The following UBE3C variants were observed in gnomAD, a reference collection of about 807,000 sequenced individuals.
UBE3C encodes the protein ubiquitin-protein ligase E3C.
A neutral mutation model predicts 129.4 loss-of-function variants in UBE3C; 42 were observed. The ratio of observed to expected loss-of-function variants is 0.32; its 90% confidence interval spans 0.25 to 0.42. The LOEUF (loss-of-function observed/expected upper bound fraction) is 0.42. Among genes scored for constraint, UBE3C ranks in the 10% least tolerant of loss-of-function variants. The pLI, the probability that UBE3C is intolerant of heterozygous loss-of-function variation, is 1.00. For missense variants in UBE3C, 1,049 were observed against 1,319.1 expected, an observed-to-expected ratio of 0.80 and a Z score of 3.17; for synonymous variants, 510 against 492.4, an observed-to-expected ratio of 1.04 and a Z score of -0.47.
At chr7:157,197,695 C>T in intron 10 of UBE3C, 1 of 1,609,202 alleles carries the variant, frequency 6.2e-7, no homozygotes, top group Non-Finnish European at 8.5e-7. Context: ...AATGAAGTCA[C>T]AAGAATAAAG....
chr7:157,217,109 A>G (rs1795602553), intron 14 of UBE3C, 138 bp downstream of exon 14: 2 of 623,218 alleles, frequency 3.2e-6, no homozygotes, highest in Non-Finnish European at 5.4e-6. Context: ...AAACCTTATT[A>G]CTAACTCTTA....
chr7:157,263,463 C>T (rs1796976851), intron 22 of UBE3C, among the ~76,000 whole-genome samples: 2 of 152,042 alleles, frequency 1.3e-5, no homozygotes, highest in Admixed American at 6.5e-5. Context: ...CAGGAGTTCT[C>T]GACCAGCCTG....
intron 4 of UBE3C, among the ~76,000 whole-genome samples, chr7:157,171,716 T>TAA: frequency 1.2e-5 from 1 of 82,452 alleles, no homozygotes; most frequent in Non-Finnish European, 2.2e-5. Context: ...TTTTTTTTTT[T>TAA]TTTTTTTTGA....
At chr7:157,231,632 G>C in intron 18 of UBE3C, 1 of 339,548 alleles carries the variant, frequency 2.9e-6, no homozygotes, top group Non-Finnish European at 5.5e-6. Flanking sequence ...GGTTTATTGT[G>C]GGAAGGGCCC....
intron 1 of UBE3C, among the ~76,000 whole-genome samples, chr7:157,148,022 G>A (rs1266476367): frequency 6.6e-6 from 1 of 152,128 alleles, no homozygotes; most frequent in East Asian, 1.9e-4. Context: ...TGTCTGGTTT[G>A]GTATTAGGGT....
intron 18 of UBE3C, among the ~76,000 whole-genome samples, chr7:157,235,103 A>C (rs529405352): frequency 6.6e-6 from 1 of 152,248 alleles, no homozygotes; most frequent in Non-Finnish European, 1.5e-5. Flanking sequence ...AGGCAGGATA[A>C]TGGCTTGAAC....
At chr7:157,201,639 T>C (rs200520339) in intron 10 of UBE3C, 82 bp from the exon 11 acceptor site, 1 of 343,834 alleles carries the variant, frequency 2.9e-6, no homozygotes, top group Admixed American at 6.0e-5. Context: ...GTGTATCGCT[T>C]TTTTTTTTTT....
At chr7:157,157,268 C>A (rs1280800010) in intron 1 of UBE3C, among the ~76,000 whole-genome samples, 2 of 152,156 alleles carry the variant, frequency 1.3e-5, no homozygotes, top group African/African-American at 4.8e-5. Flanking sequence ...CTACTGAATT[C>A]TTAAGCGAGA....
chr7:157,236,757 A>G (rs1796162576), intron 18 of UBE3C, among the ~76,000 whole-genome samples: 2 of 150,884 alleles, frequency 1.3e-5, no homozygotes, highest in Non-Finnish European at 2.9e-5. Flanking sequence ...TTTGAGATGG[A>G]GTCTCACTCT....
intron 3 of UBE3C, among the ~76,000 whole-genome samples, chr7:157,169,423 C>T (rs190750915): frequency 1.1e-3 from 162 of 150,892 alleles, no homozygotes; most frequent in African/African-American, 3.6e-3. Flanking sequence ...TTGCCCAGGC[C>T]AGAGTGCAGT....
chr7:157,155,565 A>G (rs896497275), intron 1 of UBE3C, among the ~76,000 whole-genome samples: 1 of 152,166 alleles, frequency 6.6e-6, no homozygotes, highest in African/African-American at 2.4e-5. Flanking sequence ...TAACATAAAA[A>G]TTTTATTCTG....
At chr7:157,193,348 T>C (rs1374461963) in intron 10 of UBE3C, among the ~76,000 whole-genome samples, 1 of 152,156 alleles carries the variant, frequency 6.6e-6, no homozygotes, top group Non-Finnish European at 1.5e-5. Flanking sequence ...GATCATTGGG[T>C]GTCTCGCTGT....
At chr7:157,204,662 A>G (rs1358404979) in intron 11 of UBE3C, among the ~76,000 whole-genome samples, 7 of 152,240 alleles carry the variant, frequency 4.6e-5, no homozygotes, top group African/African-American at 1.7e-4. Context: ...TGCTATTGAA[A>G]TCAGCCAGTT....
intron 2 of UBE3C, among the ~76,000 whole-genome samples, chr7:157,166,249 T>A (rs1312406431): frequency 2.6e-5 from 4 of 152,246 alleles, no homozygotes; most frequent in African/African-American, 9.6e-5. Flanking sequence ...AGATGCTTTC[T>A]TTTGCCTGAT....
intron 10 of UBE3C, among the ~76,000 whole-genome samples, chr7:157,199,974 T>C (rs2116982299): frequency 6.6e-6 from 1 of 152,292 alleles, no homozygotes; most frequent in African/African-American, 2.4e-5. Context: ...GAGATTCTGC[T>C]CTTACTGGAA....
intron 19 of UBE3C, 151 bp downstream of exon 19, chr7:157,248,731 C>T: frequency 1.3e-6 from 1 of 788,248 alleles, no homozygotes; most frequent in Non-Finnish European, 2.0e-6. Flanking sequence ...GCATATAGCT[C>T]CAAAGCACCT....
intron 13 of UBE3C, among the ~76,000 whole-genome samples, chr7:157,214,562 C>T (rs1275224309): frequency 2.0e-5 from 3 of 152,062 alleles, no homozygotes; most frequent in Non-Finnish European, 4.4e-5. Flanking sequence ...TATGAAAGGG[C>T]TAATTTCAGC....
chr7:157,239,709 C>T (rs1796250863), intron 18 of UBE3C, among the ~76,000 whole-genome samples: 1 of 152,164 alleles, frequency 6.6e-6, no homozygotes. Flanking sequence ...GAAATAACAG[C>T]ATGTGTATTT....
At chr7:157,201,659 A>ATAAATTTTTTT in intron 10 of UBE3C, 62 bp from the exon 11 acceptor site, 1 of 258,596 alleles carries the variant, frequency 3.9e-6, no homozygotes, top group Non-Finnish European at 5.6e-6. Flanking sequence ...TTTTTTTTTT[A>ATAAATTTTTTT]AGAAATGTTT....
Sources: gnomAD v4.1 joint callset for allele counts (sites outside exome capture counted in the v4.1 genomes callset) on GRCh38, gnomAD v4.1.1 for gene constraint, MANE v1.5 for transcripts, NCBI Gene and HGNC (gene_info 2026-07-23, HGNC 2026-07-21) for gene names.